SLC10A7: variants seen among roughly 807,000 people sequenced by gnomAD.
SLC10A7 encodes the protein sodium/bile acid cotransporter 7.
A neutral mutation model predicts 43.2 loss-of-function variants in SLC10A7; 29 were observed. The ratio of observed to expected loss-of-function variants is 0.67; its 90% CI spans 0.50 to 0.92. SLC10A7 has a LOEUF of 0.92. Ranked by LOEUF, SLC10A7 falls within the 40% of genes least tolerant of loss-of-function variation. The pLI, the probability that SLC10A7 is intolerant of heterozygous loss-of-function variation, is 0.00. For synonymous variants in SLC10A7, 152 were observed against 144.8 expected (o/e 1.05, Z -0.35); for missense variants, 295 against 403.2 (o/e 0.73, Z 2.30).
chr4:146,436,795 C>T (rs771527299), intron 5 of SLC10A7, among the ~76,000 whole-genome samples: 22 of 152,068 alleles, frequency 1.4e-4, no homozygotes, highest in Non-Finnish European at 4.4e-5. Flanking sequence ...CTTGAATACG[C>T]AGCAGAGGTT....
chr4:146,433,936 T>A (rs1729995017), intron 5 of SLC10A7, among the ~76,000 whole-genome samples: 2 of 152,194 alleles, frequency 1.3e-5, no homozygotes. Context: ...TGCAGCATTT[T>A]ACCCATTTAC....
intron 5 of SLC10A7, among the ~76,000 whole-genome samples, chr4:146,428,647 T>A (rs780996609): frequency 6.6e-6 from 1 of 152,150 alleles, no homozygotes; most frequent in African/African-American, 2.4e-5. Flanking sequence ...TTCATACTTA[T>A]ATTTTTACTT....
chr4:146,504,860 T>G lies in SLC10A7; in HGVS notation c.321-936A>C, dbSNP rs1736755038. 2.0e-5 allele frequency among the ~76,000 whole-genome samples: 3 copies of G among 152,220 alleles called. No homozygotes were observed. The South Asian group carries it at 6.2e-4, about 32-fold the overall frequency. On this transcript the variant is annotated intron_variant, in intron 3 of 11. Transcript: ENST00000335472. Reference sequence around the variant, plus strand: ...TTCTAGTATCTATCCTCAATTTGGTTTTTATTATATTATGTGCACACACCC... The same window carrying G: ...TTCTAGTATCTATCCTCAATTTGGTGTTTATTATATTATGTGCACACACCC...
chr4:146,263,279 C>T (rs544920077), intron 10 of SLC10A7, among the ~76,000 whole-genome samples: 4 of 152,322 alleles, frequency 2.6e-5, no homozygotes, highest in African/African-American at 9.6e-5. Flanking sequence ...CTTCGCTACC[C>T]TTATTATCAT....
intron 5 of SLC10A7, among the ~76,000 whole-genome samples, chr4:146,394,413 G>A (rs963139773): frequency 2.0e-5 from 3 of 152,076 alleles, no homozygotes; most frequent in African/African-American, 7.2e-5. Flanking sequence ...AGGCTGTAGT[G>A]CAGTGGCGCA....
At chr4:146,481,154 TGCTG>T (rs1734440498) in intron 4 of SLC10A7, among the ~76,000 whole-genome samples, 2 of 152,136 alleles carry the variant, frequency 1.3e-5, no homozygotes, top group Admixed American at 6.5e-5. Context: ...CTCCCCGGAC[TGCTG>T]TAGCCATGCT....
intron 5 of SLC10A7, among the ~76,000 whole-genome samples, chr4:146,373,865 C>A (rs1477780321): frequency 6.6e-6 from 1 of 151,998 alleles, no homozygotes; most frequent in Non-Finnish European, 1.5e-5. Context: ...AGGAGACAGG[C>A]AAAGGCTATA....
intron 5 of SLC10A7, among the ~76,000 whole-genome samples, chr4:146,337,557 A>G (rs956827893): frequency 1.3e-5 from 2 of 152,052 alleles, no homozygotes; most frequent in Non-Finnish European, 2.9e-5. Flanking sequence ...GGTTCAGTTG[A>G]TATAAAACAC....
At chr4:146,472,633 C>T (rs1048925332) in intron 4 of SLC10A7, among the ~76,000 whole-genome samples, 1 of 152,046 alleles carries the variant, frequency 6.6e-6, no homozygotes, top group South Asian at 2.1e-4. Context: ...ATTAGGTAGG[C>T]CTCCTGTGCA....
intron 5 of SLC10A7, among the ~76,000 whole-genome samples, chr4:146,327,667 A>G (rs1013832976): frequency 6.6e-6 from 1 of 152,248 alleles, no homozygotes; most frequent in African/African-American, 2.4e-5. Context: ...CATGGTCCCT[A>G]TGCTTAAACA....
chr4:146,443,187 T>G (rs970278659), intron 4 of SLC10A7, among the ~76,000 whole-genome samples: 1 of 149,240 alleles, frequency 6.7e-6, no homozygotes, highest in Non-Finnish European at 1.5e-5. Context: ...AAATGTATAT[T>G]ATTGGAAGAA....
In SLC10A7 at chr4:146,519,086, T is replaced by C. The variant is rs1219632897; in HGVS notation, c.101-1966A>G. ...ATCACCATATATATATATATATATA[T>C]ATATATATATATATATATATATATA... is the stretch of plus-strand genomic sequence containing the variant. On this transcript the variant is annotated intron_variant, in intron 1 of 11. Coordinates refer to ENST00000335472, the MANE Select transcript of SLC10A7 (RefSeq NM_001029998.6). 3.1e-4 allele frequency among the ~76,000 whole-genome samples: 35 copies of C among 112,218 alleles called. No homozygotes were observed. The South Asian group carries it at 8.7e-3, about 28-fold the overall frequency. The allele number at this position is 112,218 out of a possible 152,430, so 73.6% of individuals were successfully genotyped here.
chr4:146,369,045 T>A (rs189988733), intron 5 of SLC10A7, among the ~76,000 whole-genome samples: 20 of 152,320 alleles, frequency 1.3e-4, no homozygotes, highest in African/African-American at 4.6e-4. Flanking sequence ...TACTTACTAG[T>A]CTGTCTTCTA....
At chr4:146,310,195 T>C (rs1217031968) in intron 6 of SLC10A7, among the ~76,000 whole-genome samples, 1 of 152,210 alleles carries the variant, frequency 6.6e-6, no homozygotes, top group East Asian at 1.9e-4. Flanking sequence ...GGTGTATATG[T>C]ACCACATTTT....
chr4:146,260,032 C>A (rs77658717), intron 10 of SLC10A7, among the ~76,000 whole-genome samples: 3,321 of 152,262 alleles, frequency 0.022, 111 homozygotes, highest in African/African-American at 0.076. Context: ...CCTTTATGCA[C>A]AAAATGTGTT....
At chr4:146,335,251 TAAAAAAAAAAAAAAAAAA>T (rs34522588) in intron 5 of SLC10A7, among the ~76,000 whole-genome samples, 3 of 92,656 alleles carry the variant, frequency 3.2e-5, no homozygotes, top group East Asian at 3.3e-4. Context: ...ACAGATGTTG[TAAAAAAAAAAAAAAAAAA>T]AAAAAAAAAA....
At chr4:146,498,822 TA>T (rs1413471022) in intron 4 of SLC10A7, among the ~76,000 whole-genome samples, 2 of 152,182 alleles carry the variant, frequency 1.3e-5, no homozygotes, top group Non-Finnish European at 2.9e-5. Context: ...TATAACAACA[TA>T]TTTTTTTTAA....
intron 5 of SLC10A7, among the ~76,000 whole-genome samples, chr4:146,393,072 A>G (rs1445518803): frequency 6.6e-6 from 1 of 151,500 alleles, no homozygotes; most frequent in African/African-American, 2.4e-5. Flanking sequence ...TGTCCCAGCT[A>G]TTGCAGGGTG....
At chr4:146,278,746 T>C (rs1479543200) in intron 10 of SLC10A7, among the ~76,000 whole-genome samples, 1 of 152,156 alleles carries the variant, frequency 6.6e-6, no homozygotes, top group East Asian at 1.9e-4. Context: ...ATCTCAAGTG[T>C]CATTTTGTCC....
Sources: gnomAD v4.1 joint callset for allele counts (sites outside exome capture counted in the v4.1 genomes callset) on GRCh38, gnomAD v4.1.1 for gene constraint, MANE v1.5 for transcripts, NCBI Gene and HGNC (gene_info 2026-07-23, HGNC 2026-07-21) for gene names.